The following AKT2 variants were observed in gnomAD, a reference collection of about 807,000 sequenced individuals.
The protein encoded by AKT2 is AKT serine/threonine kinase 2.
Under a neutral mutation model 58.6 loss-of-function variants are expected in AKT2, and 16 were observed. That is an observed-to-expected ratio of 0.27 (90% CI 0.18 to 0.41). The LOEUF (loss-of-function observed/expected upper bound fraction) is 0.41, where lower values mean the gene tolerates loss of function less well. Among genes scored for constraint, AKT2 ranks in the 10% least tolerant of loss-of-function variants. The probability of loss-of-function intolerance (pLI) is 1.00; values close to 1 mark genes in which losing one functional copy is unlikely to be tolerated. For synonymous variants in AKT2, 253 were observed against 254.0 expected, an observed-to-expected ratio of 1.00 and a Z score of 0.04; for missense variants, 438 against 661.0, an observed-to-expected ratio of 0.66 and a Z score of 3.70.
chr19:40,271,189 A>G (rs2077206086), intron 1 of AKT2, among the ~76,000 whole-genome samples: 1 of 148,270 alleles, frequency 6.7e-6, no homozygotes, highest in African/African-American at 2.5e-5. Context: ...AAAAAAAAAA[A>G]AACATACGTA....
At chr19:40,246,095 A>AG (rs1271262714) in intron 4 of AKT2, among the ~76,000 whole-genome samples, 2 of 151,986 alleles carry the variant, frequency 1.3e-5, no homozygotes, top group East Asian at 3.8e-4. Context: ...TTTCAAAAAA[A>AG]AAAAAAAAAA....
chr19:40,252,978 G>A (rs1297712230), intron 4 of AKT2, among the ~76,000 whole-genome samples: 1 of 152,050 alleles, frequency 6.6e-6, no homozygotes, highest in Non-Finnish European at 1.5e-5. Flanking sequence ...TTTTACCTTG[G>A]GAGGATGTGC....
Position 40,253,747 on chromosome 19 carries a change from G to A in AKT2, c.287+1411C>T, listed in dbSNP as rs150064616. Among the ~76,000 whole-genome samples, 304 of 152,146 alleles carry A rather than the reference G, an allele frequency of 2.0e-3. 1 individual carries two copies. The highest frequency in any genetic ancestry group is 6.9e-3 in the African/African-American group (285 of 41,496). The stretch of plus-strand genomic sequence containing the variant: ...TGCACACATCAAACGAGACAGACAC[G>A]GCTATTTCACTGCAGCATTCCTTAT... On this transcript the variant is annotated intron_variant, in intron 4 of 13. Transcript: ENST00000392038.
chr19:40,255,361 G>C (rs1467120529), intron 3 of AKT2, 92 bp from the exon 4 acceptor site: 11 of 1,002,940 alleles, frequency 1.1e-5, no homozygotes, highest in Admixed American at 1.7e-5. Flanking sequence ...CACAGGCCTA[G>C]CCCCATGCTA....
At position 40,259,678 on chromosome 19, in the gene AKT2, A is replaced by G. The variant is rs117354742; in HGVS notation, c.47-2624T>C. ...ATGGGTGGAAATACTTGGAAATCTA[A>G]TAAGGGTCTATTAACCAGAACACAT... On this transcript the variant is annotated intron_variant, in intron 2 of 13. Transcript: ENST00000392038. Among the ~76,000 whole-genome samples the G allele has an allele frequency of 5.0e-3, 760 of 152,362 alleles. 4 individuals are homozygous for G. The highest frequency in any genetic ancestry group is 0.012 in the East Asian group (64 of 5,192).
intron 1 of AKT2, chr19:40,283,303 A>C (rs1415832333): frequency 6.6e-6 from 1 of 152,272 alleles, no homozygotes; most frequent in Non-Finnish European, 1.5e-5. Context: ...AGTTACTGTC[A>C]GCCATCAATT....
chr19:40,266,933 G>A (rs1976400815), intron 1 of AKT2, among the ~76,000 whole-genome samples: 1 of 152,194 alleles, frequency 6.6e-6, no homozygotes, highest in South Asian at 2.1e-4. Context: ...CTGCACTCCA[G>A]CTTAGGTGAC....
Position 40,238,078 on chromosome 19 carries a change from A to G in AKT2, c.722T>C (p.Leu241Pro). ...YANGGELFFHLSRERVFTEER... is the reference protein window; with the variant it reads ...YANGGELFFHPSRERVFTEER... ...CTCTGTGAAGACACGCTCCCGGGAC[A>G]GGTGGAAGAACAGCTGCAGGAGGAA... The change falls in exon 9 of 14, where the codon CTG (leucine) becomes CCG (proline). Residue 241 changes from leucine to proline, a missense_variant. Around this residue, in one of 3 missense-constraint regions of AKT2, gnomAD observed 244 missense variants for 347.1 expected, o/e 0.70. Coordinates refer to ENST00000392038, the MANE Select transcript of AKT2 (RefSeq NM_001626.6). This position sits in a 1 kb window ranked among gnomAD's most constrained non-coding sequence, Gnocchi z 5.1. 1 of 1,599,496 alleles carries G rather than the reference A, an allele frequency of 6.3e-7. No individual in the cohort carries two copies. The highest frequency in any genetic ancestry group is 8.5e-7 in the Non-Finnish European group (1 of 1,173,290).
chr19:40,256,274 A>G (rs565981513), intron 3 of AKT2, among the ~76,000 whole-genome samples: 1 of 152,218 alleles, frequency 6.6e-6, no homozygotes, highest in East Asian at 1.9e-4. Flanking sequence ...ATGGCAGGAG[A>G]GGATAGTGGT....
chr19:40,261,270 C>G (rs1975926276), intron 2 of AKT2, among the ~76,000 whole-genome samples: 1 of 152,146 alleles, frequency 6.6e-6, no homozygotes. Flanking sequence ...CAATGGCTCA[C>G]GCCTGTAATC....
At chr19:40,275,647 T>G (rs2077300470) in intron 1 of AKT2, among the ~76,000 whole-genome samples, 1 of 151,916 alleles carries the variant, frequency 6.6e-6, no homozygotes, top group Admixed American at 6.6e-5. Context: ...TGATGGCTAG[T>G]GCAACTAAAG....
intron 1 of AKT2, among the ~76,000 whole-genome samples, chr19:40,268,333 C>T (rs919549860): frequency 2.6e-5 from 4 of 152,224 alleles, no homozygotes; most frequent in Non-Finnish European, 4.4e-5. Context: ...GCCCAGGGCT[C>T]GGCCTACTGC....
At chr19:40,248,627 A>G (rs1409189186) in intron 4 of AKT2, among the ~76,000 whole-genome samples, 2 of 152,254 alleles carry the variant, frequency 1.3e-5, no homozygotes, top group African/African-American at 4.8e-5. Flanking sequence ...GGCAGAGGGA[A>G]CTGCATGGCA....
chr19:40,258,253 A>C (rs1473675710), intron 2 of AKT2, among the ~76,000 whole-genome samples: 1 of 151,260 alleles, frequency 6.6e-6, no homozygotes. Context: ...TCGAAAAAAA[A>C]AAAAAAAAAA....
intron 1 of AKT2, chr19:40,275,087 A>G (rs1394738241): frequency 2.2e-6 from 1 of 456,562 alleles, no homozygotes; most frequent in Non-Finnish European, 4.4e-6. Flanking sequence ...AGGATGGGAG[A>G]GATTCGGTGA....
At chr19:40,252,907 G>A (rs190610578) in intron 4 of AKT2, among the ~76,000 whole-genome samples, 25 of 152,296 alleles carry the variant, frequency 1.6e-4, no homozygotes, top group Admixed American at 1.1e-3. Flanking sequence ...GTTTTCAACT[G>A]AGTAGCACCT....
chr19:40,235,799 C>G lies in AKT2; in HGVS notation c.1175+91G>C. The G allele has an allele frequency of 7.5e-7, 1 of 1,329,618 alleles. No homozygotes were observed. The highest frequency in any genetic ancestry group is 1.0e-6 in the Non-Finnish European group (1 of 977,658). 82.4% of individuals were successfully genotyped at this position (1,329,618 alleles called of 1,614,324 possible). Reference sequence around the variant, plus strand: ...GGACGACACACTGCGACCCTACAAGCGAGCACCCTTGTGGACGCTGCCCCC... The same window carrying G: ...GGACGACACACTGCGACCCTACAAGGGAGCACCCTTGTGGACGCTGCCCCC... On this transcript the variant is annotated intron_variant, in intron 11 of 13. Transcript: ENST00000392038. The surrounding 1 kb of genome is among the most constrained non-coding windows in gnomAD (Gnocchi z 6.3).
intron 4 of AKT2, among the ~76,000 whole-genome samples, chr19:40,251,461 T>C (rs1975148956): frequency 6.6e-6 from 1 of 151,826 alleles, no homozygotes; most frequent in African/African-American, 2.4e-5. Context: ...AATACAAACA[T>C]GGGGAACAAA....
At position 40,265,417 on chromosome 19, in the gene AKT2, C is replaced by T. The variant is rs1002394690; in HGVS notation, c.-84-66G>A. ...TCCACACCAGCCCCTTCCCTGAGGA[C>T]GCCGGGCTCTGAGGCCCTCTGGCTG... is the stretch of plus-strand genomic sequence containing the variant. On this transcript the variant is annotated intron_variant, in intron 1 of 13. Coordinates refer to ENST00000392038, the MANE Select transcript of AKT2 (RefSeq NM_001626.6). 1.9e-5 allele frequency: 29 copies of T among 1,519,332 alleles called. No individual in the cohort carries two copies. The African/African-American group carries it at 2.9e-4, about 15-fold the overall frequency. The allele number at this position is 1,519,332 out of a possible 1,614,324, so 94.1% of individuals were successfully genotyped here. A position where few individuals can be genotyped will look rare whatever the true frequency, so the allele number is the denominator to read the frequency against.
Sources: allele counts gnomAD v4.1 joint callset (sites outside exome capture counted in the v4.1 genomes callset), GRCh38; gene constraint gnomAD v4.1.1; regional missense constraint gnomAD v4.1.1; non-coding constraint Gnocchi (gnomAD v3.1); transcripts MANE v1.5; gene names NCBI Gene and HGNC (gene_info 2026-07-23, HGNC 2026-07-21).